BCAT1: variants seen among roughly 807,000 people sequenced by gnomAD.
The protein encoded by BCAT1 is branched-chain-amino-acid aminotransferase, cytosolic.
In BCAT1, 48 loss-of-function variants were observed where a neutral mutation model predicts 52.4. The observed-to-expected ratio is 0.92, with a 90% CI of 0.73 to 1.16. The LOEUF is 1.16. Ranked by LOEUF, BCAT1 falls within the 50% of genes most tolerant of loss-of-function variation. BCAT1 has a pLI of 0.00. For missense variants in BCAT1, 451 were observed against 457.1 expected, an observed-to-expected ratio of 0.99 and a Z score of 0.12; for synonymous variants, 167 against 161.3, an observed-to-expected ratio of 1.04 and a Z score of -0.27.
At chr12:24,836,893 G>GA (rs753139800) in intron 7 of BCAT1, among the ~76,000 whole-genome samples, 1,017 of 42,656 alleles carry the variant, frequency 0.024, 19 homozygotes, top group African/African-American at 0.025. Flanking sequence ...AAGAAAGAAA[G>GA]AAAGAAAAGA....
At chr12:24,832,654 C>T in intron 9 of BCAT1, 69 bp downstream of exon 9, 1 of 1,465,840 alleles carries the variant, frequency 6.8e-7, no homozygotes. Context: ...CAATTTTATT[C>T]ATACACTTAA....
intron 2 of BCAT1, among the ~76,000 whole-genome samples, chr12:24,900,509 A>C (rs182214856): frequency 6.6e-6 from 1 of 152,364 alleles, no homozygotes; most frequent in East Asian, 1.9e-4. Flanking sequence ...CTTGAGTCTG[A>C]GAGATCAAGG....
rs562355241 is a variant in BCAT1 at position 24,878,430 on chromosome 12, C to T, written c.510+100G>A. The T allele has an allele frequency of 1.6e-3, 1,819 of 1,114,540 alleles. 2 individuals carry two copies. The highest frequency in any genetic ancestry group is 2.0e-3 in the Non-Finnish European group (1,646 of 822,768). 69.0% of individuals were successfully genotyped at this position (1,114,540 alleles called of 1,614,324 possible). ...AAGGAAGAAGTCATTAATGATGCTA[C>T]TGGGGGGCTACTGCAAACTATATGC... On this transcript the variant is annotated intron_variant, in intron 5 of 10. Coordinates refer to ENST00000261192, the MANE Select transcript of BCAT1 (RefSeq NM_005504.7).
In BCAT1 at chr12:24,935,283, G is replaced by A. The variant is rs555790430; in HGVS notation, c.6+13644C>T. Among the ~76,000 whole-genome samples the A allele has an allele frequency of 9.9e-4, 151 of 152,324 alleles. 1 individual carries two copies. The highest frequency in any genetic ancestry group is 3.4e-3 in the African/African-American group (140 of 41,560). On this transcript the variant is annotated intron_variant, in intron 1 of 10. Coordinates refer to ENST00000261192, the MANE Select transcript of BCAT1 (RefSeq NM_005504.7). The stretch of plus-strand genomic sequence containing the variant: ...GCAGAAAAATATGATTTGTCCTCAC[G>A]TGGACATGAAGCCAAGGCATTCTGG...
At chr12:24,948,480 G>A (rs1565511170) in intron 1 of BCAT1, among the ~76,000 whole-genome samples, 1 of 152,084 alleles carries the variant, frequency 6.6e-6, no homozygotes, top group African/African-American at 2.4e-5. Flanking sequence ...CTCTCCACCC[G>A]GGTCAACTCT....
intron 1 of BCAT1, among the ~76,000 whole-genome samples, chr12:24,929,494 CTG>C (rs1943647200): frequency 6.6e-6 from 1 of 152,168 alleles, no homozygotes. Context: ...CTCTGAAAAA[CTG>C]TCTTTTTGTA....
rs1171691492 is a variant in BCAT1, at chr12:24,887,061, T to TAA, written c.280-5652_280-5651dup. On this transcript the variant is annotated intron_variant, in intron 3 of 10. Coordinates refer to ENST00000261192, the MANE Select transcript of BCAT1 (RefSeq NM_005504.7). ...CTGGAAGAACGAGAGAGATGCTAGC[T>TAA]AAAAAAAAAAAAAAAAAAAATATAT... Among the ~76,000 whole-genome samples, 14 of 7,590 alleles carry TAA rather than the reference T, an allele frequency of 1.8e-3. 2 individuals are homozygous for TAA. The highest frequency in any genetic ancestry group is 5.3e-3 in the Admixed American group (2 of 378). The allele number at this position is 7,590 out of a possible 152,430, so 5.0% of individuals were successfully genotyped here.
intron 4 of BCAT1, among the ~76,000 whole-genome samples, chr12:24,878,867 A>C (rs1440837323): frequency 6.6e-6 from 1 of 152,160 alleles, no homozygotes; most frequent in African/African-American, 2.4e-5. Flanking sequence ...GCATGAAAAC[A>C]TCAGTGTACC....
chr12:24,896,793 C>T (rs905097955), intron 2 of BCAT1, among the ~76,000 whole-genome samples: 2 of 152,000 alleles, frequency 1.3e-5, no homozygotes, highest in East Asian at 1.9e-4. Context: ...AGTTTAGCAA[C>T]CCCTATTCTG....
Position 24,914,083 on chromosome 12 carries a change from CTT to C in BCAT1, c.7-12200_7-12199del, listed in dbSNP as rs34717106. Among the ~76,000 whole-genome samples, 406 of 135,654 alleles carry C rather than the reference CTT, an allele frequency of 3.0e-3. 1 individual carries two copies. Among genetic ancestry groups the C allele is most frequent in the South Asian group, 0.013 (56 of 4,244 alleles). 89.0% of individuals were successfully genotyped at this position (135,654 alleles called of 152,430 possible). A position where few individuals can be genotyped will look rare whatever the true frequency, so the allele number is the denominator to read the frequency against. ...TTGAGAAATTGGGTTGGTAGATTAT[CTT>C]TTTTTTTTTTTTTTGAGATGGGGTC... is the stretch of plus-strand genomic sequence containing the variant. On this transcript the variant is annotated intron_variant, in intron 1 of 10. Coordinates refer to ENST00000261192, the MANE Select transcript of BCAT1 (RefSeq NM_005504.7).
intron 7 of BCAT1, among the ~76,000 whole-genome samples, chr12:24,839,842 A>T (rs1395124595): frequency 4.6e-5 from 7 of 152,204 alleles, no homozygotes; most frequent in Non-Finnish European, 8.8e-5. Flanking sequence ...ATTTTCTTAA[A>T]ATCATATGAT....
At chr12:24,940,692 A>C (rs1053996999) in intron 1 of BCAT1, among the ~76,000 whole-genome samples, 1 of 152,236 alleles carries the variant, frequency 6.6e-6, no homozygotes, top group African/African-American at 2.4e-5. Context: ...TAACCAAAAG[A>C]AAAAGGAAAT....
At chr12:24,869,063 A>G (rs755315396) in intron 5 of BCAT1, among the ~76,000 whole-genome samples, 1 of 152,260 alleles carries the variant, frequency 6.6e-6, no homozygotes, top group East Asian at 1.9e-4. Flanking sequence ...AAGGTACTCA[A>G]CATAATTGGT....
At chr12:24,853,498 G>A (rs544551984) in intron 5 of BCAT1, among the ~76,000 whole-genome samples, 4 of 152,192 alleles carry the variant, frequency 2.6e-5, no homozygotes, top group Admixed American at 6.5e-5. Context: ...AGTGTACTAC[G>A]TTCACTACTT....
At chr12:24,894,516 G>C in intron 2 of BCAT1, 41 bp from the exon 3 acceptor site, 1 of 1,495,514 alleles carries the variant, frequency 6.7e-7, no homozygotes, top group Non-Finnish European at 9.1e-7. Flanking sequence ...AAAAGCTACT[G>C]AGCATTCGCT....
intron 5 of BCAT1, among the ~76,000 whole-genome samples, chr12:24,872,860 T>C (rs1942219376): frequency 6.6e-6 from 1 of 152,092 alleles, no homozygotes; most frequent in Admixed American, 6.5e-5. Flanking sequence ...ACCTCCCAAA[T>C]GGAGAGAGTG....
chr12:24,904,361 C>G (rs1021000764), intron 1 of BCAT1: 1 of 152,486 alleles, frequency 6.6e-6, no homozygotes, highest in East Asian at 1.9e-4. Flanking sequence ...CGCCACCACG[C>G]CGGGCTAATT....
At chr12:24,943,772 C>T (rs1014525097) in intron 1 of BCAT1, among the ~76,000 whole-genome samples, 4 of 152,040 alleles carry the variant, frequency 2.6e-5, no homozygotes, top group African/African-American at 4.8e-5. Flanking sequence ...ATCACGAGGT[C>T]AGGAGATCAA....
At chr12:24,904,950 G>A (rs1160358258) in intron 1 of BCAT1, among the ~76,000 whole-genome samples, 1 of 152,216 alleles carries the variant, frequency 6.6e-6, no homozygotes, top group Admixed American at 6.5e-5. Context: ...ACTCAGAAAG[G>A]CCTGGAAAGG....
Sources: allele counts gnomAD v4.1 joint callset (sites outside exome capture counted in the v4.1 genomes callset), GRCh38; gene constraint gnomAD v4.1.1; transcripts MANE v1.5; gene names NCBI Gene and HGNC (gene_info 2026-07-23, HGNC 2026-07-21).